The following CCDC102B variants were observed in gnomAD, a reference collection of about 807,000 sequenced individuals.
The protein encoded by CCDC102B is coiled-coil domain-containing protein 102B.
CCDC102B carries 75 observed loss-of-function variants against 57.4 expected under a neutral mutation model. The observed-to-expected ratio is 1.31, with a 90% CI of 1.08 to 1.58. The LOEUF is 1.58. Ranked by LOEUF, CCDC102B falls within the 40% of genes most tolerant of loss-of-function variation. The pLI, the probability that CCDC102B is intolerant of heterozygous loss-of-function variation, is 0.00. For missense variants in CCDC102B, 636 were observed against 582.6 expected, an observed-to-expected ratio of 1.09 and a Z score of -0.94; for synonymous variants, 206 against 201.9, an observed-to-expected ratio of 1.02 and a Z score of -0.17.
At chr18:68,882,821 G>A (rs1033922718) in intron 5 of CCDC102B, among the ~76,000 whole-genome samples, 8 of 152,110 alleles carry the variant, frequency 5.3e-5, no homozygotes, top group African/African-American at 1.9e-4. Flanking sequence ...AAAATAATGA[G>A]ATCATGTCCT....
At chr18:68,878,839 C>T (rs1441880898) in intron 5 of CCDC102B, among the ~76,000 whole-genome samples, 5 of 152,122 alleles carry the variant, frequency 3.3e-5, no homozygotes, top group South Asian at 4.1e-4. Flanking sequence ...AAACTAGTGG[C>T]GGTGTGTCCG....
rs76274470 is a variant in CCDC102B at position 68,945,375 on chromosome 18, T to G, written c.1263+47947T>G. 3.0e-3 allele frequency among the ~76,000 whole-genome samples: 460 copies of G among 152,134 alleles called. 2 individuals carry two copies. The highest frequency in any genetic ancestry group is 3.4e-3 in the Non-Finnish European group (232 of 67,958). ...TGTAACCAAATGCAAACTGCAAAATTAATATTGTCAAGTTCATATAAAATG... is the reference window on the plus strand; with the variant it reads ...TGTAACCAAATGCAAACTGCAAAATGAATATTGTCAAGTTCATATAAAATG... On this transcript the variant is annotated intron_variant, in intron 6 of 7. Transcript: ENST00000360242.
At chr18:68,717,094 AT>A (rs1365588690) in intron 2 of CCDC102B, among the ~76,000 whole-genome samples, 5 of 151,276 alleles carry the variant, frequency 3.3e-5, no homozygotes, top group Admixed American at 3.3e-4. Context: ...AAAAAAAAAA[AT>A]TAGCCAGATG....
At chr18:68,763,473 T>C (rs1446881673) in intron 2 of CCDC102B, among the ~76,000 whole-genome samples, 1 of 152,136 alleles carries the variant, frequency 6.6e-6, no homozygotes, top group Middle Eastern at 3.2e-3. Context: ...GTCTTTGTAT[T>C]CTAACAATGT....
chr18:68,795,522 A>C (rs570695561), upstream of CCDC102B, among the ~76,000 whole-genome samples: 13 of 152,218 alleles, frequency 8.5e-5, no homozygotes, highest in African/African-American at 3.1e-4. Flanking sequence ...CTAGGGAAGA[A>C]CCCTTTTTTG....
intron 7 of CCDC102B, among the ~76,000 whole-genome samples, chr18:69,046,820 C>A (rs1408718550): frequency 6.6e-6 from 1 of 152,094 alleles, no homozygotes; most frequent in East Asian, 1.9e-4. Flanking sequence ...ATATGGCTAG[C>A]CAGTTATCCC....
At chr18:68,860,558 C>T (rs78469324) in intron 4 of CCDC102B, among the ~76,000 whole-genome samples, 819 of 115,246 alleles carry the variant, frequency 7.1e-3, no homozygotes, top group Middle Eastern at 0.024. Context: ...CACAGGCCTC[C>T]CTGCCTGTCC....
intron 2 of CCDC102B, chr18:68,753,303 T>C (rs1483442926): frequency 2.6e-5 from 4 of 152,200 alleles, no homozygotes; most frequent in Non-Finnish European, 4.4e-5. Context: ...CAGGTATTCT[T>C]TGGAATTTTG....
At chr18:68,869,998 G>GT (rs1190403475) in intron 4 of CCDC102B, among the ~76,000 whole-genome samples, 9 of 152,140 alleles carry the variant, frequency 5.9e-5, no homozygotes, top group Non-Finnish European at 1.5e-5. Context: ...CCAATTGCTG[G>GT]TTTTTGTCAG....
At chr18:69,037,242 G>T (rs1257643577) in intron 7 of CCDC102B, among the ~76,000 whole-genome samples, 1 of 151,838 alleles carries the variant, frequency 6.6e-6, no homozygotes, top group Non-Finnish European at 1.5e-5. Flanking sequence ...ATGTGTATAT[G>T]CACCCACACA....
At chr18:69,022,994 A>C (rs1228713372) in intron 7 of CCDC102B, among the ~76,000 whole-genome samples, 2 of 152,130 alleles carry the variant, frequency 1.3e-5, no homozygotes, top group African/African-American at 4.8e-5. Context: ...TAAAAAAAAA[A>C]AAAATAGAAA....
At chr18:68,835,082 CA>C (rs1158609684) in intron 1 of CCDC102B, among the ~76,000 whole-genome samples, 8 of 152,154 alleles carry the variant, frequency 5.3e-5, no homozygotes, top group African/African-American at 1.7e-4. Context: ...ATATTTTCAG[CA>C]CTTTTTAAAG....
chr18:68,729,013 A>G (rs546411511), intron 2 of CCDC102B, among the ~76,000 whole-genome samples: 12 of 152,274 alleles, frequency 7.9e-5, no homozygotes, highest in African/African-American at 2.9e-4. Flanking sequence ...AAGCATTAGT[A>G]AAGGTTTACC....
intron 6 of CCDC102B, among the ~76,000 whole-genome samples, chr18:69,005,879 C>T (rs1047100708): frequency 1.3e-5 from 2 of 151,470 alleles, no homozygotes; most frequent in Admixed American, 1.3e-4. Flanking sequence ...TGGAAATCTG[C>T]TTATAAAAGA....
chr18:68,835,387 C>T (rs2037321968), intron 1 of CCDC102B, among the ~76,000 whole-genome samples: 1 of 18,342 alleles, frequency 5.5e-5, no homozygotes, highest in African/African-American at 5.8e-5. Flanking sequence ...ACACATATTA[C>T]ATAATAAATA....
chr18:68,844,332 G>A (rs2037762711), intron 3 of CCDC102B, among the ~76,000 whole-genome samples: 2 of 150,634 alleles, frequency 1.3e-5, no homozygotes, highest in South Asian at 2.1e-4. Context: ...ATTTTAAGGA[G>A]GAACATAAAT....
At chr18:68,795,531 T>C (rs1235572059), upstream of CCDC102B, among the ~76,000 whole-genome samples, 1 of 152,158 alleles carries the variant, frequency 6.6e-6, no homozygotes, top group East Asian at 1.9e-4. Flanking sequence ...AACCCTTTTT[T>C]GACTCTTCCT....
rs1446263400 is a variant in CCDC102B, at chr18:68,984,233, A to G, written c.1264-26701A>G. Among the ~76,000 whole-genome samples the G allele has an allele frequency of 7.2e-5, 11 of 152,036 alleles. No homozygotes were observed. In the East Asian group the frequency reaches 1.9e-3, roughly 27 times the overall value. On this transcript the variant is annotated intron_variant, in intron 6 of 7. Coordinates refer to ENST00000360242, the MANE Select transcript of CCDC102B (RefSeq NM_024781.3). ...TGAGCTACCACAGGCTTGTTCCAAT[A>G]CATGAATACACTGTCTTCTCATAGC...
At position 69,008,097 on chromosome 18, in the gene CCDC102B, C is replaced by T. The variant is rs1048092435; in HGVS notation, c.1264-2837C>T. On this transcript the variant is annotated intron_variant, in intron 6 of 7. Coordinates refer to ENST00000360242, the MANE Select transcript of CCDC102B (RefSeq NM_024781.3). ...GCAAAGTTATAACTTTCCCATTAAGCTCTGAATTATTTGTGCAGCAAATTC... is the reference window on the plus strand; with the variant it reads ...GCAAAGTTATAACTTTCCCATTAAGTTCTGAATTATTTGTGCAGCAAATTC... Among the ~76,000 whole-genome samples, 3 of 152,326 alleles carry T rather than the reference C, an allele frequency of 2.0e-5. 1 individual carries two copies. Among genetic ancestry groups the T allele is most frequent in the Admixed American group, 1.3e-4 (2 of 15,310 alleles).
Sources: allele counts gnomAD v4.1 joint callset (sites outside exome capture counted in the v4.1 genomes callset), GRCh38; gene constraint gnomAD v4.1.1; transcripts MANE v1.5; gene names NCBI Gene and HGNC (gene_info 2026-07-23, HGNC 2026-07-21).